The following PRKG1 variants were observed in gnomAD, a reference collection of about 807,000 sequenced individuals.
PRKG1 encodes the protein cGMP-dependent protein kinase 1.
PRKG1 carries 35 observed loss-of-function variants against 88.1 expected under a neutral mutation model. That is an observed-to-expected ratio of 0.40 (90% confidence interval 0.30 to 0.53). The LOEUF is 0.53. Among genes scored for constraint, PRKG1 ranks in the 20% least tolerant of loss-of-function variants. The pLI, the probability that PRKG1 is intolerant of heterozygous loss-of-function variation, is 0.59. For synonymous variants in PRKG1, 303 were observed against 292.5 expected, an observed-to-expected ratio of 1.04 and a Z score of -0.37; for missense variants, 540 against 839.8, an observed-to-expected ratio of 0.64 and a Z score of 4.41.
At chr10:51,036,584 T>C (rs1843357019) in intron 1 of PRKG1, among the ~76,000 whole-genome samples, 1 of 152,118 alleles carries the variant, frequency 6.6e-6, no homozygotes, top group South Asian at 2.1e-4. Flanking sequence ...CTTTTCATGC[T>C]TTTCATCAAT....
intron 2 of PRKG1, chr10:51,299,434 G>A: frequency 2.4e-5 from 10 of 414,636 alleles, no homozygotes; most frequent in South Asian, 1.7e-4. Context: ...TTGAACTCCT[G>A]ATCTCAGGTG....
intron 1 of PRKG1, among the ~76,000 whole-genome samples, chr10:51,079,646 A>T (rs1202707433): frequency 6.6e-6 from 1 of 151,274 alleles, no homozygotes; most frequent in Non-Finnish European, 1.5e-5. Flanking sequence ...GCGAGAGGGC[A>T]TTCTTTTGGG....
chr10:51,423,252 G>A (rs1053281562), intron 2 of PRKG1, among the ~76,000 whole-genome samples: 50 of 152,124 alleles, frequency 3.3e-4, no homozygotes, highest in Non-Finnish European at 8.8e-5. Flanking sequence ...ACCTGCAGTA[G>A]TTACGCAATC....
intron 3 of PRKG1, among the ~76,000 whole-genome samples, chr10:51,538,047 A>G (rs1347251449): frequency 6.6e-6 from 1 of 152,196 alleles, no homozygotes; most frequent in Non-Finnish European, 1.5e-5. Flanking sequence ...TGTATCTACT[A>G]GTAAACATTG....
At chr10:51,018,771 A>G (rs1439941839) in intron 1 of PRKG1, among the ~76,000 whole-genome samples, 1 of 152,234 alleles carries the variant, frequency 6.6e-6, no homozygotes, top group Non-Finnish European at 1.5e-5. Flanking sequence ...AAGTGTCAAT[A>G]TTTAAAAATT....
chr10:52,276,210 T>G (rs915756059), intron 12 of PRKG1, among the ~76,000 whole-genome samples: 1 of 152,150 alleles, frequency 6.6e-6, no homozygotes, highest in African/African-American at 2.4e-5. Flanking sequence ...GGCTAGGACT[T>G]CCAGTACTGC....
chr10:51,385,878 C>T (rs1217442834), intron 2 of PRKG1, among the ~76,000 whole-genome samples: 7 of 152,168 alleles, frequency 4.6e-5, no homozygotes, highest in African/African-American at 1.7e-4. Flanking sequence ...TCACATTTCT[C>T]CCTTCTATTC....
chr10:51,477,248 C>T (rs2132837501), intron 3 of PRKG1, among the ~76,000 whole-genome samples: 1 of 150,740 alleles, frequency 6.6e-6, no homozygotes, highest in South Asian at 2.1e-4. Flanking sequence ...GGGGGCATAG[C>T]CCTACAATTA....
intron 3 of PRKG1, among the ~76,000 whole-genome samples, chr10:51,584,118 ATTAATTAAT>A (rs1210962300): frequency 1.3e-5 from 2 of 152,104 alleles, no homozygotes; most frequent in African/African-American, 4.8e-5. Context: ...ATTAGTTTCC[ATTAATTAAT>A]TTGTTTCCAC....
chr10:51,828,193 A>G (rs1019457521), intron 4 of PRKG1, among the ~76,000 whole-genome samples: 6 of 152,176 alleles, frequency 3.9e-5, no homozygotes, highest in Non-Finnish European at 8.8e-5. Context: ...AAGGAGCTCA[A>G]ATTCTCAAAA....
chr10:51,637,472 C>T (rs1392706178), intron 3 of PRKG1, among the ~76,000 whole-genome samples: 4 of 152,098 alleles, frequency 2.6e-5, no homozygotes, highest in East Asian at 1.9e-4. Context: ...CATATGTATG[C>T]GTTCATTGCA....
At chr10:51,660,544 G>T (rs187953391) in intron 3 of PRKG1, among the ~76,000 whole-genome samples, 1 of 151,950 alleles carries the variant, frequency 6.6e-6, no homozygotes, top group African/African-American at 2.4e-5. Context: ...ACCTAATTAC[G>T]AAAAGCTTAT....
At chr10:51,118,312 G>C (rs974802444) in intron 1 of PRKG1, among the ~76,000 whole-genome samples, 1 of 152,096 alleles carries the variant, frequency 6.6e-6, no homozygotes, top group Non-Finnish European at 1.5e-5. Context: ...TTACTTTTAA[G>C]GGTAAATTTT....
chr10:51,646,452 C>T (rs114704355), intron 3 of PRKG1, among the ~76,000 whole-genome samples: 62 of 152,146 alleles, frequency 4.1e-4, no homozygotes, highest in African/African-American at 1.4e-3. Flanking sequence ...ACATCATCAT[C>T]ATCTTGCTGA....
At chr10:51,854,739 G>T (rs569341299) in intron 4 of PRKG1, among the ~76,000 whole-genome samples, 1 of 152,060 alleles carries the variant, frequency 6.6e-6, no homozygotes, top group Admixed American at 6.6e-5. Flanking sequence ...CGTAATCTGG[G>T]GTGGTAGAGG....
intron 12 of PRKG1, among the ~76,000 whole-genome samples, chr10:52,273,284 T>C (rs1464850903): frequency 6.6e-6 from 1 of 152,084 alleles, no homozygotes; most frequent in Non-Finnish European, 1.5e-5. Context: ...GAATAATCTT[T>C]TGATTATTTT....
At chr10:51,635,917 A>G (rs1453889382) in intron 3 of PRKG1, among the ~76,000 whole-genome samples, 2 of 152,192 alleles carry the variant, frequency 1.3e-5, no homozygotes, top group Non-Finnish European at 2.9e-5. Flanking sequence ...TTGCACAGTT[A>G]ATAGAGCAGT....
At chr10:51,504,690 C>G (rs1407137063) in intron 3 of PRKG1, among the ~76,000 whole-genome samples, 2 of 152,036 alleles carry the variant, frequency 1.3e-5, no homozygotes, top group East Asian at 1.9e-4. Flanking sequence ...CCTTCATGTC[C>G]CTTGGAAGTT....
chr10:51,396,265 G>A (rs1837573778), intron 2 of PRKG1, among the ~76,000 whole-genome samples: 1 of 152,042 alleles, frequency 6.6e-6, no homozygotes, highest in African/African-American at 2.4e-5. Context: ...ACTGGGCGTG[G>A]TGACATGTGC....
Sources: gnomAD v4.1 joint callset for allele counts (sites outside exome capture counted in the v4.1 genomes callset) on GRCh38, gnomAD v4.1.1 for gene constraint, MANE v1.5 for transcripts, NCBI Gene and HGNC (gene_info 2026-07-23, HGNC 2026-07-21) for gene names.